Variants in HSPA13 observed in about 807,000 individuals in gnomAD.
HSPA13 encodes heat shock 70 kDa protein 13.
In HSPA13, 29 loss-of-function variants were observed where a neutral mutation model predicts 38.8. The ratio of observed to expected loss-of-function variants is 0.75; its 90% CI spans 0.56 to 1.02. The LOEUF (loss-of-function observed/expected upper bound fraction) is 1.02, where lower values mean the gene tolerates loss of function less well. HSPA13 is among the 50% of genes least tolerant of loss of function. The probability of loss-of-function intolerance (pLI) is 0.00; values close to 1 mark genes in which losing one functional copy is unlikely to be tolerated. For synonymous variants in HSPA13, 192 were observed against 205.3 expected (o/e 0.94, Z 0.56); for missense variants, 451 against 560.9 (o/e 0.80, Z 1.98).
chr21:14,381,142 G>C, intron 2 of HSPA13, 61 bp downstream of exon 2: 1 of 1,249,336 alleles, frequency 8.0e-7, no homozygotes, highest in Non-Finnish European at 1.1e-6. Context: ...GTGACATGAA[G>C]CCAAAGCATT....
chr21:14,375,693 A>G lies in HSPA13; in HGVS notation c.707T>C (p.Leu236Pro). The G allele has an allele frequency of 6.2e-7, 1 of 1,613,944 alleles. No homozygotes were observed. Among genetic ancestry groups the G allele is most frequent in the Non-Finnish European group, 8.5e-7 (1 of 1,179,872 alleles). ...LGGGTLDVSL[L>P]NKQGGMFLTR... is the part of the protein sequence containing the mutation. Reference sequence around the variant, plus strand: ...TAGAAACATCCCTCCTTGTTTATTCAGTAAAGACACATCTAGAGTTCCTCC... The same window carrying G: ...TAGAAACATCCCTCCTTGTTTATTCGGTAAAGACACATCTAGAGTTCCTCC... The change falls in exon 4 of 5, where the codon CTG becomes CCG. Residue 236 changes from leucine (L) to proline (P), a missense_variant. Coordinates refer to ENST00000285667, the MANE Select transcript of HSPA13 (RefSeq NM_006948.5).
At chr21:14,374,358 C>A in intron 4 of HSPA13, 74 bp from the exon 5 acceptor site, 1 of 1,044,196 alleles carries the variant, frequency 9.6e-7, no homozygotes. Context: ...ATTATGTATA[C>A]GTAAAAATTA....
intron 2 of HSPA13, among the ~76,000 whole-genome samples, chr21:14,380,317 G>A (rs1984136556): frequency 6.7e-6 from 1 of 149,524 alleles, no homozygotes; most frequent in African/African-American, 2.5e-5. Context: ...AACATATAAT[G>A]AAGGTCTTTT....
chr21:14,381,754 CACAA>C (rs1463313942), intron 1 of HSPA13, among the ~76,000 whole-genome samples: 2 of 152,060 alleles, frequency 1.3e-5, no homozygotes, highest in Non-Finnish European at 2.9e-5. Context: ...ATGAAGTAAA[CACAA>C]ACAACAAAAA....
Position 14,383,137 on chromosome 21 carries a change from G to A in HSPA13, c.-18C>T, listed in dbSNP as rs754470473. 7 of 1,614,044 alleles carry A rather than the reference G, an allele frequency of 4.3e-6. No individual in the cohort carries two copies. Among genetic ancestry groups the A allele is most frequent in the East Asian group, 4.5e-5 (2 of 44,868 alleles). Reference sequence around the variant, plus strand: ...CTGGCCATCACAGTCCCGCCGAACAGGCTTGTGATGACTGTACCAGACGTG... The same window carrying A: ...CTGGCCATCACAGTCCCGCCGAACAAGCTTGTGATGACTGTACCAGACGTG... On this transcript the variant is annotated 5_prime_UTR_variant, in exon 1 of 5. Transcript: ENST00000285667.
intron 4 of HSPA13, among the ~76,000 whole-genome samples, chr21:14,374,688 A>G (rs1983975059): frequency 6.6e-6 from 1 of 152,168 alleles, no homozygotes; most frequent in African/African-American, 2.4e-5. Flanking sequence ...ATATAAAAGG[A>G]AGTATCTCTT....
At position 14,381,510 on chromosome 21, in the gene HSPA13, T is replaced by C. The variant is rs1349909874; in HGVS notation, c.59A>G (p.Tyr20Cys). 6.2e-7 allele frequency: 1 copy of C among 1,602,404 alleles called. No individual in the cohort carries two copies. The highest frequency in any genetic ancestry group is 8.5e-7 in the Non-Finnish European group (1 of 1,170,678). The change falls in exon 2 of 5, where the codon TAT becomes TGT. Residue 20 changes from tyrosine to cysteine, a missense_variant. By Grantham distance (194) the Tyr-to-Cys change is radical (BLOSUM62 -2). Coordinates refer to ENST00000285667, the MANE Select transcript of HSPA13 (RefSeq NM_006948.5). ...SAVLTLLLAGYLAQQYLPLPT... is the reference protein window; with the variant it reads ...SAVLTLLLAGCLAQQYLPLPT... ...CAATGGTAAATACTGTTGTGCCAAATAGCCGGCCAACAGGAGAGTCAAAAC... is the reference window on the plus strand; with the variant it reads ...CAATGGTAAATACTGTTGTGCCAAACAGCCGGCCAACAGGAGAGTCAAAAC...
chr21:14,372,663 C>T lies in HSPA13; in HGVS notation c.*954G>A, dbSNP rs773095260. On this transcript the variant is annotated 3_prime_UTR_variant, in exon 5 of 5. Coordinates refer to ENST00000285667, the MANE Select transcript of HSPA13 (RefSeq NM_006948.5). ...AATATGAGGAAAAATCTCCGTAAAACGGAACCAAAACCATTTAGTAGCTCA... is the reference window on the plus strand; with the variant it reads ...AATATGAGGAAAAATCTCCGTAAAATGGAACCAAAACCATTTAGTAGCTCA... 3 of 152,114 alleles carry T rather than the reference C, an allele frequency of 2.0e-5. No individual in the cohort carries two copies. The highest frequency in any genetic ancestry group is 4.4e-5 in the Non-Finnish European group (3 of 67,994). 9.4% of individuals were successfully genotyped at this position (152,114 alleles called of 1,614,324 possible). A position where few individuals can be genotyped will look rare whatever the true frequency, so the allele number is the denominator to read the frequency against.
In HSPA13 at chr21:14,378,362, G is replaced by A; in HGVS notation, c.417C>T (p.Thr139=). 1 of 1,614,024 alleles carries A rather than the reference G, an allele frequency of 6.2e-7. No homozygotes were observed. Among genetic ancestry groups the A allele is most frequent in the Non-Finnish European group, 8.5e-7 (1 of 1,179,958 alleles). ...MVEFSVTSNE[T]ITVSPEYVGS... is the part of the protein sequence containing the mutation. ...CAACATATTCTGGGGACACTGTGAT[G>A]GTCTCATTACTTGTCACAGAAAACT... Residue 139 remains threonine, a synonymous_variant, in exon 3 of 5, where the codon ACC becomes ACT. Transcript: ENST00000285667.
Position 14,378,238 on chromosome 21 carries a change from T to A in HSPA13, c.541A>T (p.Lys181Ter). The A allele has an allele frequency of 6.2e-7, 1 of 1,614,172 alleles. No homozygotes were observed. The highest frequency in any genetic ancestry group is 8.5e-7 in the Non-Finnish European group (1 of 1,180,000). ...GCTTCAATTGTTGAATTTCTCTGTT[T>A]TAGATCAAATTCTGCTGGTACAGAA... The part of the protein sequence containing the change: ...VISVPAEFDL[K>*]QRNSTIEAAN... The change falls in exon 3 of 5, where the codon AAA (lysine) becomes TAA (stop). Residue 181 changes from lysine to a stop codon, truncating the protein, a stop_gained. Coordinates refer to ENST00000285667, the MANE Select transcript of HSPA13 (RefSeq NM_006948.5). LOFTEE classifies it high-confidence loss of function.
chr21:14,381,139 GA>G (rs1025818414), intron 2 of HSPA13, 63 bp downstream of exon 2: 2 of 1,222,454 alleles, frequency 1.6e-6, no homozygotes, highest in African/African-American at 3.0e-5. Flanking sequence ...TTTGTGACAT[GA>G]AGCCAAAGCA....
Position 14,375,674 on chromosome 21 carries a change from C to T in HSPA13, c.726G>A (p.Met242Ile). 6.2e-7 allele frequency: 1 copy of T among 1,613,712 alleles called. No individual in the cohort carries two copies. The highest frequency in any genetic ancestry group is 1.1e-5 in the South Asian group (1 of 91,076). The change falls in exon 4 of 5, where the codon ATG becomes ATA. Residue 242 changes from methionine (M) to isoleucine (I), a missense_variant. Physicochemically the swap from Met to Ile is conservative, Grantham distance 10. Coordinates refer to ENST00000285667, the MANE Select transcript of HSPA13 (RefSeq NM_006948.5). ...DVSLLNKQGG[M>I]FLTRAMSGNN... ...TACCAGACATTGCTCGGGTTAGAAA[C>T]ATCCCTCCTTGTTTATTCAGTAAAG...
At chr21:14,383,040 C>A in intron 1 of HSPA13, 55 bp downstream of exon 1, 15 of 1,606,418 alleles carry the variant, frequency 9.3e-6, no homozygotes, top group Non-Finnish European at 8.5e-6. Context: ...CCCACTCTGG[C>A]ATCCTCAGAT....
rs1242242939 is a variant in HSPA13, at chr21:14,372,175, G to C, written c.*1442C>G. On this transcript the variant is annotated 3_prime_UTR_variant, in exon 5 of 5. Coordinates refer to ENST00000285667, the MANE Select transcript of HSPA13 (RefSeq NM_006948.5). The stretch of plus-strand genomic sequence containing the variant: ...GCTCAGTTTCCTTTTTTGGTGACCA[G>C]CATTTCAACATCCTATCGAATTCAG... 6.6e-6 allele frequency: 1 copy of C among 151,704 alleles called. No individual in the cohort carries two copies. Among genetic ancestry groups the C allele is most frequent in the African/African-American group, 2.4e-5 (1 of 41,348 alleles). The allele number at this position is 151,704 out of a possible 1,614,324, so 9.4% of individuals were successfully genotyped here. A position where few individuals can be genotyped will look rare whatever the true frequency, so the allele number is the denominator to read the frequency against.
At position 14,375,685 on chromosome 21, in the gene HSPA13, G is replaced by T. The variant is rs1241670135; in HGVS notation, c.715C>A (p.Gln239Lys). 6.2e-7 allele frequency: 1 copy of T among 1,613,562 alleles called. No individual in the cohort carries two copies. The highest frequency in any genetic ancestry group is 1.3e-5 in the African/African-American group (1 of 74,822). The change falls in exon 4 of 5, where the codon CAA (glutamine) becomes AAA (lysine). Residue 239 changes from glutamine to lysine, a missense_variant. Transcript: ENST00000285667. ...GTLDVSLLNK[Q>K]GGMFLTRAMS... Reference sequence around the variant, plus strand: ...GCTCGGGTTAGAAACATCCCTCCTTGTTTATTCAGTAAAGACACATCTAGA... The same window carrying T: ...GCTCGGGTTAGAAACATCCCTCCTTTTTTATTCAGTAAAGACACATCTAGA...
At chr21:14,378,166 A>G (rs1474545488) in intron 3 of HSPA13, 33 bp downstream of exon 3, 2 of 1,548,302 alleles carry the variant, frequency 1.3e-6, no homozygotes, top group Non-Finnish European at 1.8e-6. Context: ...CACAATTTTG[A>G]GAAAAATGCA....
At chr21:14,379,680 C>CA (rs1377545298) in intron 2 of HSPA13, among the ~76,000 whole-genome samples, 1 of 151,788 alleles carries the variant, frequency 6.6e-6, no homozygotes, top group African/African-American at 2.4e-5. Flanking sequence ...AAAAAGAAGT[C>CA]AAAAAACAAC....
rs148792758 is a variant in HSPA13, at chr21:14,374,041, T to C, written c.992A>G (p.Asp331Gly). ...ATGGTCATCTGCTGAGGAAAGTTTGTCTTTTGGCAGTTCAGTGTCACTACT... is the reference window on the plus strand; with the variant it reads ...ATGGTCATCTGCTGAGGAAAGTTTGCCTTTTGGCAGTTCAGTGTCACTACT... The part of the protein sequence containing the change: ...PHSSDTELPK[D>G]KLSSADDHRV... The change falls in exon 5 of 5, where the codon GAC (aspartate) becomes GGC (glycine). Residue 331 changes from aspartate (D) to glycine (G), a missense_variant. By Grantham distance (94) the Asp-to-Gly change is moderately conservative. Coordinates refer to ENST00000285667, the MANE Select transcript of HSPA13 (RefSeq NM_006948.5). The C allele has an allele frequency of 1.9e-6, 3 of 1,614,210 alleles. No homozygotes were observed. The highest frequency in any genetic ancestry group is 2.2e-5 in the East Asian group (1 of 44,884).
At chr21:14,377,225 G>C (rs1416974903) in intron 3 of HSPA13, among the ~76,000 whole-genome samples, 2 of 152,192 alleles carry the variant, frequency 1.3e-5, no homozygotes, top group African/African-American at 2.4e-5. Flanking sequence ...CCCTCTGGTA[G>C]AACATAAGTT....
Sources: allele counts gnomAD v4.1 joint callset (sites outside exome capture counted in the v4.1 genomes callset), GRCh38; gene constraint gnomAD v4.1.1; transcripts MANE v1.5; gene names NCBI Gene and HGNC (gene_info 2026-07-23, HGNC 2026-07-21).